The following BICRA variants were observed in gnomAD, a reference collection of about 807,000 sequenced individuals.
The protein encoded by BICRA is BRD4-interacting chromatin-remodeling complex-associated protein.
In BICRA, 31 loss-of-function variants were observed where a neutral mutation model predicts 96.9. The observed-to-expected ratio is 0.32, with a 90% CI of 0.24 to 0.43. The LOEUF is 0.43. Among genes scored for constraint, BICRA ranks in the 20% least tolerant of loss-of-function variants. The pLI, the probability that BICRA is intolerant of heterozygous loss-of-function variation, is 1.00. For missense variants in BICRA, 2,283 were observed against 2,190.3 expected (o/e 1.04, Z -0.84); for synonymous variants, 1,350 against 1,071.8 (o/e 1.26, Z -5.07).
intron 1 of BICRA, among the ~76,000 whole-genome samples, chr19:47,665,084 G>T (rs1015984196): frequency 7.0e-6 from 1 of 143,052 alleles, no homozygotes; most frequent in Non-Finnish European, 1.5e-5. Flanking sequence ...TTCTGAGTGT[G>T]GGGGGTAGGG....
At chr19:47,667,938 C>G (rs1274158883) in intron 1 of BICRA, among the ~76,000 whole-genome samples, 2 of 152,140 alleles carry the variant, frequency 1.3e-5, no homozygotes, top group Admixed American at 6.6e-5. Context: ...GGGCTGAAAT[C>G]CCAGCCTGGG....
At chr19:47,644,743 C>T (rs1031996552) in intron 1 of BICRA, among the ~76,000 whole-genome samples, 6 of 152,124 alleles carry the variant, frequency 3.9e-5, no homozygotes, top group African/African-American at 1.4e-4. Context: ...TCAAGTGATC[C>T]GCCTGCCTTG....
intron 2 of BICRA, among the ~76,000 whole-genome samples, chr19:47,671,136 T>C (rs2974236): frequency 0.8 from 122,188 of 152,194 alleles, 49,684 homozygotes; most frequent in East Asian, 0.96. Context: ...CGTGTGTCAT[T>C]AGATTTTTCA....
intron 1 of BICRA, among the ~76,000 whole-genome samples, chr19:47,610,599 C>T (rs1357855008): frequency 2.8e-5 from 2 of 70,964 alleles, no homozygotes; most frequent in Non-Finnish European, 6.6e-5. Flanking sequence ...ACCATCGTCC[C>T]CTTTTGTCAC....
At chr19:47,664,837 C>T (rs1240033836) in intron 1 of BICRA, among the ~76,000 whole-genome samples, 1 of 152,210 alleles carries the variant, frequency 6.6e-6, no homozygotes, top group Non-Finnish European at 1.5e-5. Flanking sequence ...GCTCTTGAAG[C>T]TTCTGCTCTG....
chr19:47,657,917 ACT>A (rs113660691), intron 1 of BICRA, among the ~76,000 whole-genome samples: 18 of 149,216 alleles, frequency 1.2e-4, no homozygotes, highest in African/African-American at 3.9e-4. Flanking sequence ...TCCCTCTTAT[ACT>A]CTCTCTCTCT....
intron 1 of BICRA, among the ~76,000 whole-genome samples, chr19:47,612,060 G>A (rs141439532): frequency 4.5e-4 from 69 of 152,068 alleles, no homozygotes; most frequent in East Asian, 3.5e-3. Context: ...TAGTAAAGAC[G>A]GGATTTCACC....
chr19:47,616,422 A>C (rs1971985302), intron 1 of BICRA, among the ~76,000 whole-genome samples: 1 of 152,126 alleles, frequency 6.6e-6, no homozygotes, highest in South Asian at 2.1e-4. Context: ...GGATCACTTG[A>C]GGTCAGGAGT....
intron 11 of BICRA, among the ~76,000 whole-genome samples, chr19:47,696,881 G>A (rs1973352576): frequency 6.6e-6 from 1 of 152,000 alleles, no homozygotes; most frequent in Non-Finnish European, 1.5e-5. Context: ...CATGGCTGTT[G>A]GGAGGATGAT....
chr19:47,681,268 C>G lies in BICRA; in HGVS notation c.2098C>G (p.Leu700Val), dbSNP rs774863800. The stretch of plus-strand genomic sequence containing the variant: ...CACTCAGGACTCCCTGCAGATGTTC[C>G]TGCCCCAGGTAAGCAGGGCGGGGCA... Reference protein sequence around the residue: ...ILTQDSLQMFLPQERSQQPLS... With the variant: ...ILTQDSLQMFVPQERSQQPLS... The change falls in exon 6 of 15, where the codon CTG (leucine) becomes GTG (valine). Residue 700 changes from leucine (L) to valine (V), a missense_variant. By Grantham distance (32) the Leu-to-Val change is conservative. Transcript: ENST00000594866. 1 of 1,541,400 alleles carries G rather than the reference C, an allele frequency of 6.5e-7. No individual in the cohort carries two copies. The highest frequency in any genetic ancestry group is 1.2e-5 in the South Asian group (1 of 84,416).
upstream of BICRA, among the ~76,000 whole-genome samples, chr19:47,608,887 T>G (rs1599771931): frequency 1.7e-5 from 1 of 57,346 alleles, no homozygotes; most frequent in East Asian, 4.1e-4. Flanking sequence ...ACACAAAACC[T>G]GAGAGGTTTT....
intron 7 of BICRA, among the ~76,000 whole-genome samples, chr19:47,691,487 A>C (rs937856805): frequency 6.6e-6 from 1 of 152,112 alleles, no homozygotes; most frequent in Non-Finnish European, 1.5e-5. Flanking sequence ...TTCTGTGTAC[A>C]CTTTTTTCTG....
intron 1 of BICRA, among the ~76,000 whole-genome samples, chr19:47,658,226 G>A (rs115661159): frequency 1.6e-3 from 246 of 152,246 alleles, no homozygotes; most frequent in African/African-American, 5.6e-3. Context: ...TGACCAGGAT[G>A]TTGGGGCTGG....
At chr19:47,645,166 C>T (rs1435771812) in intron 1 of BICRA, among the ~76,000 whole-genome samples, 3 of 152,194 alleles carry the variant, frequency 2.0e-5, no homozygotes, top group Non-Finnish European at 4.4e-5. Context: ...TTTGGAATCA[C>T]GCCAGTTGCA....
chr19:47,642,999 C>T (rs963499043), intron 1 of BICRA, among the ~76,000 whole-genome samples: 3 of 152,216 alleles, frequency 2.0e-5, no homozygotes, highest in African/African-American at 7.2e-5. Context: ...TCTTTTGAGA[C>T]GGAGTCTCGC....
rs1049111732 is a variant in BICRA, at chr19:47,698,414, G to A, written c.3249-220G>A. ...TTCCTCGACCTCACCTTCCCTTTCT[G>A]TAAAATGGGGATAGCGATAGCACTG... is the stretch of plus-strand genomic sequence containing the variant. On this transcript the variant is annotated intron_variant, in intron 11 of 14. Transcript: ENST00000594866. The surrounding 1 kb of genome is among the most constrained non-coding windows in gnomAD (Gnocchi z 4.8). Among the ~76,000 whole-genome samples, 29 of 152,254 alleles carry A rather than the reference G, an allele frequency of 1.9e-4. No individual in the cohort carries two copies. Among genetic ancestry groups the A allele is most frequent in the African/African-American group, 6.0e-4 (25 of 41,542 alleles).
intron 1 of BICRA, among the ~76,000 whole-genome samples, chr19:47,654,004 C>T (rs1302016300): frequency 6.6e-6 from 1 of 152,008 alleles, no homozygotes; most frequent in African/African-American, 2.4e-5. Context: ...AGCCTTGGGC[C>T]AGTTTTTGTG....
chr19:47,622,267 C>CT (rs983237948), intron 1 of BICRA, among the ~76,000 whole-genome samples: 2 of 151,264 alleles, frequency 1.3e-5, no homozygotes, highest in African/African-American at 4.8e-5. Flanking sequence ...CCCGGCCATA[C>CT]TTTTTTAGTA....
chr19:47,689,789 C>T lies in BICRA; in HGVS notation c.2284-4326C>T, dbSNP rs533735041. On this transcript the variant is annotated intron_variant, in intron 7 of 14. Coordinates refer to ENST00000594866, the MANE Select transcript of BICRA (RefSeq NM_001394372.1). ...TAGTGCAAATATGGTTTACGTTTCT[C>T]TCCCATTTGTACCCAAAGGGGAGCT... Among the ~76,000 whole-genome samples the T allele has an allele frequency of 2.6e-5, 4 of 152,348 alleles. No individual in the cohort carries two copies. The South Asian group carries it at 8.3e-4, about 32-fold the overall frequency.
Sources: allele counts gnomAD v4.1 joint callset (sites outside exome capture counted in the v4.1 genomes callset), GRCh38; gene constraint gnomAD v4.1.1; non-coding constraint Gnocchi (gnomAD v3.1); transcripts MANE v1.5; gene names NCBI Gene and HGNC (gene_info 2026-07-23, HGNC 2026-07-21).